The following DCDC2 variants were observed in gnomAD, a reference collection of about 807,000 sequenced individuals.
DCDC2 encodes doublecortin domain containing 2.
A neutral mutation model predicts 50.2 loss-of-function variants in DCDC2; 40 were observed. The observed-to-expected ratio is 0.80, with a 90% CI of 0.62 to 1.04. The LOEUF is 1.04. Among genes scored for constraint, DCDC2 ranks in the 50% least tolerant of loss-of-function variants. The pLI is 0.00. For synonymous variants in DCDC2, 234 were observed against 210.6 expected, an observed-to-expected ratio of 1.11 and a Z score of -0.96; for missense variants, 570 against 581.9, an observed-to-expected ratio of 0.98 and a Z score of 0.21.
intron 7 of DCDC2, among the ~76,000 whole-genome samples, chr6:24,213,245 C>G (rs1021292149): frequency 4.6e-5 from 7 of 152,088 alleles, no homozygotes; most frequent in African/African-American, 1.7e-4. Flanking sequence ...ATGTCCAGTT[C>G]TAAATACTTT....
intron 4 of DCDC2, among the ~76,000 whole-genome samples, chr6:24,298,194 A>G (rs1233836976): frequency 2.6e-5 from 4 of 152,202 alleles, no homozygotes; most frequent in Admixed American, 6.5e-5. Context: ...TCATGCTCCT[A>G]TGAGAATCTA....
intron 7 of DCDC2, among the ~76,000 whole-genome samples, chr6:24,213,322 C>A (rs763674862): frequency 2.6e-5 from 4 of 152,032 alleles, no homozygotes; most frequent in Non-Finnish European, 5.9e-5. Context: ...GACTGCCTAT[C>A]ATAATAAAAA....
intron 2 of DCDC2, among the ~76,000 whole-genome samples, chr6:24,337,039 G>A (rs938895471): frequency 1.3e-5 from 2 of 152,146 alleles, no homozygotes; most frequent in African/African-American, 4.8e-5. Flanking sequence ...TCCAACACAT[G>A]ATGCTCTCCC....
chr6:24,244,139 A>G (rs1038778438), intron 7 of DCDC2, among the ~76,000 whole-genome samples: 3 of 152,188 alleles, frequency 2.0e-5, no homozygotes, highest in African/African-American at 4.8e-5. Context: ...ATGAACAGAA[A>G]ATTCTCAATC....
chr6:24,190,027 C>G (rs539553518), intron 8 of DCDC2, among the ~76,000 whole-genome samples: 1 of 147,036 alleles, frequency 6.8e-6, no homozygotes, highest in Admixed American at 6.9e-5. Flanking sequence ...TTTATGATGG[C>G]AAAGTACCAC....
chr6:24,292,196 A>G (rs1383899254), intron 4 of DCDC2, among the ~76,000 whole-genome samples: 1 of 152,240 alleles, frequency 6.6e-6, no homozygotes, highest in East Asian at 1.9e-4. Context: ...ACAGGAAAAT[A>G]AGTATTAGAA....
At chr6:24,285,114 T>G (rs1393637990) in intron 6 of DCDC2, among the ~76,000 whole-genome samples, 4 of 152,022 alleles carry the variant, frequency 2.6e-5, no homozygotes, top group Non-Finnish European at 5.9e-5. Context: ...TCTACCACTA[T>G]ACGCTCAGTG....
At chr6:24,179,451 G>A (rs1464999192) in intron 8 of DCDC2, among the ~76,000 whole-genome samples, 7 of 148,404 alleles carry the variant, frequency 4.7e-5, no homozygotes, top group African/African-American at 1.8e-4. Context: ...GGGAGGCTGA[G>A]GCAGGAGAAT....
At chr6:24,254,583 G>T (rs1396252930) in intron 7 of DCDC2, among the ~76,000 whole-genome samples, 1 of 152,076 alleles carries the variant, frequency 6.6e-6, no homozygotes, top group Non-Finnish European at 1.5e-5. Flanking sequence ...TGGCTGCATA[G>T]TACATCCCAA....
intron 7 of DCDC2, among the ~76,000 whole-genome samples, chr6:24,211,185 T>A (rs1054511407): frequency 4.6e-5 from 7 of 152,218 alleles, no homozygotes; most frequent in African/African-American, 1.7e-4. Flanking sequence ...ATATTTGCTG[T>A]ATTGAAGTAG....
At chr6:24,239,569 A>C (rs1205078694) in intron 7 of DCDC2, among the ~76,000 whole-genome samples, 2 of 152,196 alleles carry the variant, frequency 1.3e-5, no homozygotes, top group African/African-American at 4.8e-5. Context: ...CATTAGGTCC[A>C]GGAGTGGGCA....
intron 7 of DCDC2, among the ~76,000 whole-genome samples, chr6:24,205,672 T>C (rs146409545): frequency 1.3e-3 from 191 of 152,340 alleles, no homozygotes; most frequent in African/African-American, 3.8e-3. Flanking sequence ...TCACAACCTA[T>C]GACTTTAAAT....
intron 7 of DCDC2, among the ~76,000 whole-genome samples, chr6:24,228,915 G>A (rs575283027): frequency 1.3e-5 from 2 of 152,192 alleles, no homozygotes; most frequent in South Asian, 4.2e-4. Flanking sequence ...GTTCTGTTGT[G>A]GCCACTGCTA....
intron 7 of DCDC2, among the ~76,000 whole-genome samples, chr6:24,234,887 G>A (rs1208574207): frequency 6.6e-6 from 1 of 152,048 alleles, no homozygotes; most frequent in African/African-American, 2.4e-5. Flanking sequence ...ATACCACATA[G>A]ATAGCACACT....
chr6:24,265,527 T>TA (rs1220253588), intron 7 of DCDC2, among the ~76,000 whole-genome samples: 3 of 150,386 alleles, frequency 2.0e-5, no homozygotes, highest in Non-Finnish European at 4.5e-5. Flanking sequence ...AAACAAGTTT[T>TA]AAAAAAACTC....
chr6:24,344,675 G>A (rs1409766595), intron 2 of DCDC2, among the ~76,000 whole-genome samples: 1 of 152,182 alleles, frequency 6.6e-6, no homozygotes, highest in Non-Finnish European at 1.5e-5. Flanking sequence ...ATACACTTCT[G>A]TCTTTCTTAG....
At chr6:24,332,064 T>C (rs1242988441) in intron 2 of DCDC2, among the ~76,000 whole-genome samples, 1 of 152,180 alleles carries the variant, frequency 6.6e-6, no homozygotes, top group Admixed American at 6.5e-5. Context: ...TATACTGACA[T>C]CTAAAGGCAT....
rs1049118377 is a variant in DCDC2, at chr6:24,291,748, G to A, written c.558-670C>T. 4.6e-5 allele frequency among the ~76,000 whole-genome samples: 7 copies of A among 152,122 alleles called. No homozygotes were observed. The East Asian group carries it at 1.4e-3, about 29-fold the overall frequency. ...GATCCGCCCGCCTCGGCCTCCCAAA[G>A]TGCTGGGATTACAGGCATGAGCCAC... is the stretch of plus-strand genomic sequence containing the variant. On this transcript the variant is annotated intron_variant, in intron 4 of 9. Transcript: ENST00000378454.
chr6:24,304,164 A>C (rs552460469), intron 2 of DCDC2, among the ~76,000 whole-genome samples: 1 of 152,358 alleles, frequency 6.6e-6, no homozygotes, highest in South Asian at 2.1e-4. Flanking sequence ...CTAGCATCAC[A>C]TTAAGTGACG....
Sources: allele counts gnomAD v4.1 joint callset (sites outside exome capture counted in the v4.1 genomes callset), GRCh38; gene constraint gnomAD v4.1.1; transcripts MANE v1.5; gene names NCBI Gene and HGNC (gene_info 2026-07-23, HGNC 2026-07-21).